KIF1A: variants seen among roughly 807,000 people sequenced by gnomAD.
KIF1A encodes the protein kinesin family member 1A.
In KIF1A, 46 loss-of-function variants were observed where a neutral mutation model predicts 227.3. The observed-to-expected ratio is 0.20, with a 90% CI of 0.16 to 0.26. KIF1A has a LOEUF of 0.26. Among genes scored for constraint, KIF1A ranks in the 10% least tolerant of loss-of-function variants. The pLI is 1.00. For missense variants in KIF1A, 1,683 were observed against 2,485.9 expected, an observed-to-expected ratio of 0.68 and a Z score of 6.87; for synonymous variants, 1,022 against 1,012.8, an observed-to-expected ratio of 1.01 and a Z score of -0.17.
chr2:240,819,673 C>T (rs988200665), intron 1 of KIF1A, among the ~76,000 whole-genome samples: 1 of 152,054 alleles, frequency 6.6e-6, no homozygotes, highest in African/African-American at 2.4e-5. Context: ...GTCCTCAGCC[C>T]CGCTCACCAT....
chr2:240,808,551 AG>A (rs1366526912), intron 1 of KIF1A, among the ~76,000 whole-genome samples: 1 of 151,932 alleles, frequency 6.6e-6, no homozygotes, highest in Non-Finnish European at 1.5e-5. Flanking sequence ...CAACATCTGT[AG>A]TACCAGCTCC....
intron 38 of KIF1A, among the ~76,000 whole-genome samples, chr2:240,735,314 G>A (rs1006256704): frequency 2.0e-5 from 3 of 152,186 alleles, no homozygotes; most frequent in African/African-American, 7.2e-5. Context: ...TCAGCCCTCA[G>A]GGTGTGGGGC....
chr2:240,743,003 T>A lies in KIF1A; in HGVS notation c.3585-19A>T. The A allele has an allele frequency of 2.5e-6, 4 of 1,593,918 alleles. No individual in the cohort carries two copies. The highest frequency in any genetic ancestry group is 3.4e-6 in the Non-Finnish European group (4 of 1,167,510). On this transcript the variant is annotated intron_variant, in intron 33 of 48. Transcript: ENST00000498729. ...CAGGGGGCTGTGGAGAAAGGACCAG[T>A]GTGAGGTGTTTGCGGGACCCTGGGC...
Position 240,761,328 on chromosome 2 carries a change from C to T in KIF1A, c.2166G>A (p.Lys722=). The part of the protein sequence containing the change: ...ECELALWAFR[K]WKWYQFTSLR... ...GAGACGTGAACTGGTACCACTTCCACTTCCGGAAGGCCCAGAGCGCCAGCT... is the reference window on the plus strand; with the variant it reads ...GAGACGTGAACTGGTACCACTTCCATTTCCGGAAGGCCCAGAGCGCCAGCT... The change falls in exon 24 of 49, where the codon AAG becomes AAA. Residue 722 remains lysine, a synonymous_variant. Coordinates refer to ENST00000498729, the MANE Select transcript of KIF1A (RefSeq NM_001244008.2). 1 of 1,613,662 alleles carries T rather than the reference C, an allele frequency of 6.2e-7. No individual in the cohort carries two copies. The highest frequency in any genetic ancestry group is 1.1e-5 in the South Asian group (1 of 91,058).
At chr2:240,804,768 C>T (rs1004541089) in intron 1 of KIF1A, among the ~76,000 whole-genome samples, 2 of 152,090 alleles carry the variant, frequency 1.3e-5, no homozygotes, top group African/African-American at 4.8e-5. Context: ...TTTACAACAC[C>T]TGCATGATCA....
chr2:240,755,184 G>T (rs116098294), intron 27 of KIF1A, among the ~76,000 whole-genome samples: 2,916 of 152,328 alleles, frequency 0.019, 87 homozygotes, highest in African/African-American at 0.065. Context: ...CAGAGGCAGA[G>T]GCCCCTGGGG....
At position 240,773,123 on chromosome 2, in the gene KIF1A, T is replaced by C. The variant is rs931858851; in HGVS notation, c.1171A>G (p.Ile391Val). 1.2e-6 allele frequency: 2 copies of C among 1,612,540 alleles called. No individual in the cohort carries two copies. Among genetic ancestry groups the C allele is most frequent in the Non-Finnish European group, 1.7e-6 (2 of 1,179,346 alleles). Residue 391 changes from isoleucine (I) to valine (V), a missense_variant, in exon 13 of 49, where the codon ATC (isoleucine) becomes GTC (valine). This residue lies in a region of KIF1A where 110 missense variants were observed against 133.1 expected (regional missense o/e 0.83). Coordinates refer to ENST00000498729, the MANE Select transcript of KIF1A (RefSeq NM_001244008.2). Reference sequence around the variant, plus strand: ...TGGAGCAGGCACTCACTGTCAGTGATGTCGCCAAGACCCTGGGCGTACAGA... The same window carrying C: ...TGGAGCAGGCACTCACTGTCAGTGACGTCGCCAAGACCCTGGGCGTACAGA... Reference protein sequence around the residue: ...DLLYAQGLGDITDTNTVPGGP... With the variant: ...DLLYAQGLGDVTDTNTVPGGP...
chr2:240,766,383 T>C lies in KIF1A; in HGVS notation c.1684+532A>G, dbSNP rs2051179711. Among the ~76,000 whole-genome samples, 3 of 152,212 alleles carry C rather than the reference T, an allele frequency of 2.0e-5. No individual in the cohort carries two copies. The South Asian group carries it at 6.2e-4, about 32-fold the overall frequency. ...ACCAGGCAATGGGGACAGCCCCACG[T>C]CATCTCCAGGAGGGAGACCACTGGG... On this transcript the variant is annotated intron_variant, in intron 19 of 48. Transcript: ENST00000498729. This position sits in a 1 kb window ranked among gnomAD's most constrained non-coding sequence, Gnocchi z 5.0.
chr2:240,786,577 G>C (rs2054778844), intron 5 of KIF1A, 64 bp from the exon 6 acceptor site: 5 of 1,511,384 alleles, frequency 3.3e-6, no homozygotes, highest in African/African-American at 1.4e-5. Context: ...CCACTGGGGG[G>C]ACCCCTGAGT....
At chr2:240,783,607 G>T in intron 8 of KIF1A, 132 bp downstream of exon 8, 8 of 659,050 alleles carry the variant, frequency 1.2e-5, no homozygotes, top group Admixed American at 2.8e-5. Flanking sequence ...CCCAGCCTAT[G>T]CCCACCCTCC....
chr2:240,756,168 G>A (rs1235385588), intron 27 of KIF1A, among the ~76,000 whole-genome samples: 1 of 152,172 alleles, frequency 6.6e-6, no homozygotes, highest in Non-Finnish European at 1.5e-5. Context: ...CCTGCGATCT[G>A]GGGCCACCCT....
chr2:240,725,968 G>C lies in KIF1A; in HGVS notation c.4123-564C>G, dbSNP rs569274584. On this transcript the variant is annotated intron_variant, in intron 39 of 48. Transcript: ENST00000498729. The surrounding 1 kb of genome is among the most constrained non-coding windows in gnomAD (Gnocchi z 5.8). ...CAACCTCACCACCATCTGGTGAGAT[G>C]GTCACACCATCCCCATGTGAAGCTG... The C allele has an allele frequency of 1.3e-5, 2 of 152,578 alleles. No individual in the cohort carries two copies. Among genetic ancestry groups the C allele is most frequent in the East Asian group, 3.9e-4 (2 of 5,180 alleles). 9.5% of individuals were successfully genotyped at this position (152,578 alleles called of 1,614,324 possible).
At chr2:240,744,500 C>G (rs903994040) in intron 32 of KIF1A, among the ~76,000 whole-genome samples, 7 of 152,174 alleles carry the variant, frequency 4.6e-5, no homozygotes, top group African/African-American at 7.2e-5. Context: ...GGGATAGGGC[C>G]TTTACAGAGA....
chr2:240,733,543 G>A (rs1021676062), intron 38 of KIF1A, among the ~76,000 whole-genome samples: 6 of 152,224 alleles, frequency 3.9e-5, no homozygotes, highest in Non-Finnish European at 7.3e-5. Context: ...GTGTGTGCAC[G>A]TGCTCAAGGG....
chr2:240,723,073 C>T lies in KIF1A; in HGVS notation c.4464+340G>A, dbSNP rs371560809. Among the ~76,000 whole-genome samples the T allele has an allele frequency of 2.3e-3, 357 of 152,344 alleles. 1 individual carries two copies. The highest frequency in any genetic ancestry group is 8.3e-3 in the African/African-American group (347 of 41,576). ...CTCGGCCCGAGGCAGTGCCTAGATG[C>T]TGCATGTTGGTTTCCCTGATCAAAG... On this transcript the variant is annotated intron_variant, in intron 42 of 48. Coordinates refer to ENST00000498729, the MANE Select transcript of KIF1A (RefSeq NM_001244008.2).
intron 16 of KIF1A, 104 bp from the exon 17 acceptor site, chr2:240,769,312 C>T (rs533688579): frequency 2.0e-6 from 2 of 993,170 alleles, no homozygotes; most frequent in African/African-American, 1.6e-5. Flanking sequence ...CCACCGTGGC[C>T]TGGGTGGTGC....
At position 240,740,012 on chromosome 2, in the gene KIF1A, ACCAG is replaced by A. The variant is rs1202756532; in HGVS notation, c.3901+42_3901+45del. On this transcript the variant is annotated intron_variant, in intron 37 of 48. Transcript: ENST00000498729. This position sits in a 1 kb window ranked among gnomAD's most constrained non-coding sequence, Gnocchi z 6.1. Reference sequence around the variant, plus strand: ...CCAGCTCAGGGCCTGTACTCTTCCCACCAGCTCAGCCCCACCCACCAAGGCAGCC... The same window carrying A: ...CCAGCTCAGGGCCTGTACTCTTCCCACTCAGCCCCACCCACCAAGGCAGCC... 1 of 1,478,490 alleles carries A rather than the reference ACCAG, an allele frequency of 6.8e-7. No homozygotes were observed. The highest frequency in any genetic ancestry group is 1.9e-5 in the Admixed American group (1 of 51,298). The allele number at this position is 1,478,490 out of a possible 1,614,324, so 91.6% of individuals were successfully genotyped here. A position where few individuals can be genotyped will look rare whatever the true frequency, so the allele number is the denominator to read the frequency against.
intron 5 of KIF1A, among the ~76,000 whole-genome samples, chr2:240,786,771 C>CACCAGGACCCCTGAGGGGTGGGGGCCAGT (rs2054924690): frequency 3.0e-5 from 3 of 100,622 alleles, no homozygotes; most frequent in Admixed American, 9.3e-5. Context: ...TAGGGGCCAC[C>CACCAGGACCCCTGAGGGGTGGGGGCCAGT]ATCAGGACCC....
intron 14 of KIF1A, among the ~76,000 whole-genome samples, chr2:240,771,598 T>A (rs535433310): frequency 6.6e-6 from 1 of 152,276 alleles, no homozygotes; most frequent in Admixed American, 6.5e-5. Flanking sequence ...TCCACTGGCT[T>A]GGCGTGGTCA....
Sources: allele counts gnomAD v4.1 joint callset (sites outside exome capture counted in the v4.1 genomes callset), GRCh38; gene constraint gnomAD v4.1.1; regional missense constraint gnomAD v4.1.1; non-coding constraint Gnocchi (gnomAD v3.1); transcripts MANE v1.5; gene names NCBI Gene and HGNC (gene_info 2026-07-23, HGNC 2026-07-21).